The following NUBPL variants were observed in gnomAD, a reference collection of about 807,000 sequenced individuals.
The protein encoded by NUBPL is NUBP iron-sulfur cluster assembly factor, mitochondrial, also known as iron-sulfur cluster transfer protein NUBPL.
Under a neutral mutation model 45.7 loss-of-function variants are expected in NUBPL, and 31 were observed. The observed-to-expected ratio is 0.68, with a 90% CI of 0.51 to 0.92. NUBPL has a LOEUF of 0.92. Among genes scored for constraint, NUBPL ranks in the 40% least tolerant of loss-of-function variants. NUBPL has a pLI of 0.00. For missense variants in NUBPL, 401 were observed against 398.7 expected, an observed-to-expected ratio of 1.01 and a Z score of -0.05; for synonymous variants, 144 against 140.9, an observed-to-expected ratio of 1.02 and a Z score of -0.15.
intron 6 of NUBPL, among the ~76,000 whole-genome samples, chr14:31,716,723 A>T (rs370814376): frequency 6.6e-6 from 1 of 152,258 alleles, no homozygotes; most frequent in East Asian, 1.9e-4. Context: ...TGACTGTCCT[A>T]TGGATATCTC....
At chr14:31,576,327 TTA>T (rs2033715385) in intron 3 of NUBPL, among the ~76,000 whole-genome samples, 1 of 152,140 alleles carries the variant, frequency 6.6e-6, no homozygotes, top group African/African-American at 2.4e-5. Context: ...AGTAGCATGA[TTA>T]TAGCTTACTG....
chr14:31,856,002 C>T (rs1262043567), intron 10 of NUBPL, among the ~76,000 whole-genome samples: 1 of 152,146 alleles, frequency 6.6e-6, no homozygotes, highest in Non-Finnish European at 1.5e-5. Context: ...TAGCTGTTTT[C>T]ATTAGTTGTA....
intron 6 of NUBPL, among the ~76,000 whole-genome samples, chr14:31,753,363 G>T (rs982635390): frequency 2.6e-5 from 4 of 152,120 alleles, no homozygotes; most frequent in Middle Eastern, 3.2e-3. Context: ...GTGGCAGTGG[G>T]TGCTGGCCCA....
At chr14:31,813,490 CACAT>C (rs1172658969) in intron 7 of NUBPL, among the ~76,000 whole-genome samples, 15 of 151,434 alleles carry the variant, frequency 9.9e-5, no homozygotes, top group African/African-American at 3.6e-4. Context: ...TATATATACA[CACAT>C]ACATATATAC....
chr14:31,755,398 G>A (rs528025850), intron 6 of NUBPL, among the ~76,000 whole-genome samples: 35 of 152,314 alleles, frequency 2.3e-4, no homozygotes, highest in African/African-American at 7.9e-4. Context: ...ATTCTAACTG[G>A]TGTGAGATGT....
At chr14:31,699,197 G>A (rs1341843097) in intron 6 of NUBPL, among the ~76,000 whole-genome samples, 2 of 152,102 alleles carry the variant, frequency 1.3e-5, no homozygotes, top group East Asian at 1.9e-4. Flanking sequence ...TTTGTTTAGG[G>A]TAGGCCTATA....
intron 6 of NUBPL, among the ~76,000 whole-genome samples, chr14:31,678,767 G>T (rs1291121272): frequency 6.6e-6 from 1 of 152,144 alleles, no homozygotes; most frequent in Non-Finnish European, 1.5e-5. Flanking sequence ...GAGTGTTGGT[G>T]CATGCACTCC....
intron 6 of NUBPL, among the ~76,000 whole-genome samples, chr14:31,729,849 T>A (rs1342369416): frequency 1.3e-5 from 2 of 152,208 alleles, no homozygotes; most frequent in Non-Finnish European, 1.5e-5. Flanking sequence ...ATTGTTTTCC[T>A]TTTCTTATTG....
intron 6 of NUBPL, among the ~76,000 whole-genome samples, chr14:31,749,737 A>T: frequency 6.6e-6 from 1 of 151,874 alleles, no homozygotes; most frequent in Non-Finnish European, 1.5e-5. Flanking sequence ...TTGAATGTTT[A>T]TAACTCTCCC....
At chr14:31,622,051 G>C (rs550617719) in intron 4 of NUBPL, among the ~76,000 whole-genome samples, 2 of 152,316 alleles carry the variant, frequency 1.3e-5, no homozygotes, top group East Asian at 3.9e-4. Context: ...GGTGGTCTTA[G>C]ATGGAGATGA....
At chr14:31,601,004 A>T (rs1401077070) in intron 4 of NUBPL, among the ~76,000 whole-genome samples, 1 of 152,076 alleles carries the variant, frequency 6.6e-6, no homozygotes, top group Non-Finnish European at 1.5e-5. Flanking sequence ...CATTTATTAA[A>T]TAGGGAATCC....
intron 3 of NUBPL, among the ~76,000 whole-genome samples, chr14:31,578,452 G>C (rs996249585): frequency 5.3e-5 from 8 of 152,178 alleles, no homozygotes; most frequent in Non-Finnish European, 8.8e-5. Context: ...ATGTGTGATG[G>C]TTCACTTTTG....
intron 6 of NUBPL, among the ~76,000 whole-genome samples, chr14:31,678,521 A>G (rs1241815923): frequency 6.6e-6 from 1 of 152,176 alleles, no homozygotes; most frequent in Non-Finnish European, 1.5e-5. Context: ...TGGTCCTGCC[A>G]TGACTGGATC....
intron 3 of NUBPL, among the ~76,000 whole-genome samples, chr14:31,567,790 G>A (rs1255257338): frequency 2.0e-5 from 3 of 152,150 alleles, no homozygotes; most frequent in South Asian, 4.1e-4. Context: ...GCTTTACCTG[G>A]GAACTTGTTA....
At chr14:31,580,812 A>G (rs922113221) in intron 3 of NUBPL, among the ~76,000 whole-genome samples, 1 of 152,192 alleles carries the variant, frequency 6.6e-6, no homozygotes, top group South Asian at 2.1e-4. Flanking sequence ...GGAAAGCCTC[A>G]TGAACAGAAT....
Position 31,644,260 on chromosome 14 carries a change from C to G in NUBPL, c.383-29095C>G, listed in dbSNP as rs533565969. Among the ~76,000 whole-genome samples the G allele has an allele frequency of 2.0e-5, 3 of 151,942 alleles. No homozygotes were observed. The South Asian group carries it at 6.2e-4, about 32-fold the overall frequency. ...TTGTGTTAAGTTATTTATTTGAAGT[C>G]TTTCTTTTTTTAAAATGTAGGTGTT... On this transcript the variant is annotated intron_variant, in intron 4 of 10. Transcript: ENST00000281081.
chr14:31,813,212 C>T (rs2058635560), intron 7 of NUBPL, among the ~76,000 whole-genome samples: 1 of 152,020 alleles, frequency 6.6e-6, no homozygotes. Flanking sequence ...TGGTCTCAAT[C>T]TCCTGACCTC....
At chr14:31,616,747 CTA>C (rs2034911907) in intron 4 of NUBPL, among the ~76,000 whole-genome samples, 1 of 152,094 alleles carries the variant, frequency 6.6e-6, no homozygotes, top group Non-Finnish European at 1.5e-5. Context: ...ATTGTCTTGT[CTA>C]TATGGGCTCT....
rs551211034 is a variant in NUBPL at position 31,635,304 on chromosome 14, A to G, written c.382+35925A>G. 1.1e-4 allele frequency among the ~76,000 whole-genome samples: 16 copies of G among 152,356 alleles called. No individual in the cohort carries two copies. The East Asian group carries it at 3.1e-3, about 29-fold the overall frequency. ...AGGGGATCCAGTTTCAGCTTTGTAC[A>G]TATGGCTAGCCAGTTTTCCCAGCAC... On this transcript the variant is annotated intron_variant, in intron 4 of 10. Coordinates refer to ENST00000281081, the MANE Select transcript of NUBPL (RefSeq NM_025152.3).
Sources: gnomAD v4.1 joint callset for allele counts (sites outside exome capture counted in the v4.1 genomes callset) on GRCh38, gnomAD v4.1.1 for gene constraint, MANE v1.5 for transcripts, NCBI Gene and HGNC (gene_info 2026-07-23, HGNC 2026-07-21) for gene names.